The following OR1D5 variants were observed in gnomAD, a reference collection of about 807,000 sequenced individuals.
OR1D5 encodes olfactory receptor family 1 subfamily D member 5.
For synonymous variants in OR1D5, 56 were observed against 159.1 expected (o/e 0.35, Z 4.88); for missense variants, 159 against 381.5 (o/e 0.42, Z 4.86).
At position 3,062,903 on chromosome 17, in the gene OR1D5, G is replaced by A. The variant is rs560517253; in HGVS notation, c.705C>T (p.Tyr235=). 1.1e-5 allele frequency: 18 copies of A among 1,614,140 alleles called. No homozygotes were observed. The East Asian group carries it at 3.8e-4, about 34-fold the overall frequency. Residue 235 remains tyrosine, a synonymous_variant, in exon 1 of 1, where the codon TAC becomes TAT. Coordinates refer to ENST00000575751, the MANE Select transcript of OR1D5 (RefSeq NM_014566.1). ...ILQMPSASKK[Y]KTFSTCASHL... is the part of the protein sequence containing the mutation. ...GGGAGGCACAGGTAGAGAAGGTTTT[G>A]TATTTCTTAGAGGCCGAGGGCATTT...
Position 3,062,746 on chromosome 17 carries a change from T to C in OR1D5, c.862A>G (p.Ile288Val). 1 of 1,606,756 alleles carries C rather than the reference T, an allele frequency of 6.2e-7. No individual in the cohort carries two copies. Among genetic ancestry groups the C allele is most frequent in the Non-Finnish European group, 8.5e-7 (1 of 1,173,600 alleles). Residue 288 changes from isoleucine to valine, a missense_variant, in exon 1 of 1, where the codon ATC becomes GTC. Coordinates refer to ENST00000575751, the MANE Select transcript of OR1D5 (RefSeq NM_014566.1). ...AVLTPMMNPF[I>V]YRLRNKDMHG... ...ATGTCTTTGTTCCTCAGCCTGTAGATGAAAGGGTTCATCATAGGTGTCAGC... is the reference window on the plus strand; with the variant it reads ...ATGTCTTTGTTCCTCAGCCTGTAGACGAAAGGGTTCATCATAGGTGTCAGC...
chr17:3,063,009 A>G lies in OR1D5; in HGVS notation c.599T>C (p.Ile200Thr), dbSNP rs767490202. ...GAGGAAGATGAAGCAGCCAGTGGCA[A>G]TCAACGCTGTGTGAATGATGTGGGT... Reference protein sequence around the residue: ...SNTHIIHTALIATGCFIFLTP... With the variant: ...SNTHIIHTALTATGCFIFLTP... The change falls in exon 1 of 1, where the codon ATT becomes ACT. Residue 200 changes from isoleucine to threonine, a missense_variant. Coordinates refer to ENST00000575751, the MANE Select transcript of OR1D5 (RefSeq NM_014566.1). 103 of 1,613,884 alleles carry G rather than the reference A, an allele frequency of 6.4e-5. No individual in the cohort carries two copies. Among genetic ancestry groups the G allele is most frequent in the Non-Finnish European group, 8.1e-5 (96 of 1,179,874 alleles).
rs146458727 is a variant in OR1D5, at chr17:3,063,109, T to C, written c.499A>G (p.Thr167Ala). The change falls in exon 1 of 1, where the codon ACC (threonine) becomes GCC (alanine). Residue 167 changes from threonine (T) to alanine (A), a missense_variant. Thr to Ala is a moderately conservative substitution (Grantham distance 58). Coordinates refer to ENST00000575751, the MANE Select transcript of OR1D5 (RefSeq NM_014566.1). ...TGGATCTCTCGAGGCCCACAGAAGG[T>C]CACCCTGGTCAGGAGGAAGGTGAGG... ...LLLTFLLTRV[T>A]FCGPREIHYL... 131 of 1,613,262 alleles carry C rather than the reference T, an allele frequency of 8.1e-5. No individual in the cohort carries two copies. In the African/African-American group the frequency reaches 1.6e-3, roughly 20 times the overall value.
Position 3,062,790 on chromosome 17 carries a change from G to A in OR1D5, c.818C>T (p.Ala273Val), listed in dbSNP as rs766744815. 2.5e-6 allele frequency: 4 copies of A among 1,613,680 alleles called. No individual in the cohort carries two copies. The highest frequency in any genetic ancestry group is 3.4e-6 in the Non-Finnish European group (4 of 1,179,738). ...LHTYSMKDSV[A>V]TVMYAVLTPM... The stretch of plus-strand genomic sequence containing the variant: ...TGTCAGCACAGCATACATCACTGTG[G>A]CTACTGAGTCCTTCATGGAGTAGGT... The change falls in exon 1 of 1, where the codon GCC (alanine) becomes GTC (valine). Residue 273 changes from alanine to valine, a missense_variant. Transcript: ENST00000575751.
At position 3,062,986 on chromosome 17, in the gene OR1D5, G is replaced by C. The variant is rs538511335; in HGVS notation, c.622C>G (p.Leu208Val). ...ALIATGCFIFLTPLGFMTTSY... is the reference protein window; with the variant it reads ...ALIATGCFIFVTPLGFMTTSY... ...GTGGTCATGAACCCTAAGGGGGTGA[G>C]GAAGATGAAGCAGCCAGTGGCAATC... The change falls in exon 1 of 1, where the codon CTC (leucine) becomes GTC (valine). Residue 208 changes from leucine to valine, a missense_variant. Coordinates refer to ENST00000575751, the MANE Select transcript of OR1D5 (RefSeq NM_014566.1). 6 of 1,613,958 alleles carry C rather than the reference G, an allele frequency of 3.7e-6. No homozygotes were observed. The South Asian group carries it at 5.5e-5, about 15-fold the overall frequency.
In OR1D5 at chr17:3,063,057, A is replaced by G. The variant is rs770608969; in HGVS notation, c.551T>C (p.Leu184Pro). The change falls in exon 1 of 1, where the codon CTG becomes CCG. Residue 184 changes from leucine (L) to proline (P), a missense_variant. Coordinates refer to ENST00000575751, the MANE Select transcript of OR1D5 (RefSeq NM_014566.1). ...IHYLFCDMYI[L>P]LWLACSNTHI... ...GGTGTTGGAACATGCCAGCCACAGC[A>G]GGATGTACATGTCACAGAAGAGGTA... 3.1e-6 allele frequency: 5 copies of G among 1,613,768 alleles called. No individual in the cohort carries two copies. In the South Asian group the frequency reaches 4.4e-5, roughly 14 times the overall value.
rs1462771666 is a variant in OR1D5 at position 3,063,217 on chromosome 17, G to T, written c.391C>A (p.His131Asn). 1 of 1,613,208 alleles carries T rather than the reference G, an allele frequency of 6.2e-7. No individual in the cohort carries two copies. The highest frequency in any genetic ancestry group is 2.2e-5 in the East Asian group (1 of 44,850). ...DRYVATCCPL[H>N]YVTAMSPGLC... ...CCAGGGCTCATGGCTGTGACATAGT[G>T]GAGGGGGCAGCAGGTGGCCACATAG... The change falls in exon 1 of 1, where the codon CAC becomes AAC. Residue 131 changes from histidine (H) to asparagine (N), a missense_variant. Coordinates refer to ENST00000575751, the MANE Select transcript of OR1D5 (RefSeq NM_014566.1).
rs368929141 is a variant in OR1D5 at position 3,062,877 on chromosome 17, T to C, written c.731A>G (p.His244Arg). ...KYKTFSTCAS[H>R]LGVVSLFYGT... ...ATAAAAGAGGGAGACCACACCCAAA[T>C]GGGAGGCACAGGTAGAGAAGGTTTT... is the stretch of plus-strand genomic sequence containing the variant. The change falls in exon 1 of 1, where the codon CAT (histidine) becomes CGT (arginine). Residue 244 changes from histidine to arginine, a missense_variant. By Grantham distance (29) the His-to-Arg change is conservative (BLOSUM62 0). Transcript: ENST00000575751. 8.7e-6 allele frequency: 14 copies of C among 1,613,976 alleles called. No homozygotes were observed. In the African/African-American group the frequency reaches 1.9e-4, roughly 22 times the overall value.
chr17:3,063,017 T>G lies in OR1D5; in HGVS notation c.591A>C (p.Thr197=), dbSNP rs779249066. The part of the protein sequence containing the change: ...LACSNTHIIH[T]ALIATGCFIF... ...TGAAGCAGCCAGTGGCAATCAACGC[T>G]GTGTGAATGATGTGGGTGTTGGAAC... The change falls in exon 1 of 1, where the codon ACA becomes ACC. Residue 197 remains threonine, a synonymous_variant. Coordinates refer to ENST00000575751, the MANE Select transcript of OR1D5 (RefSeq NM_014566.1). 1 of 1,613,952 alleles carries G rather than the reference T, an allele frequency of 6.2e-7. No individual in the cohort carries two copies. The highest frequency in any genetic ancestry group is 2.2e-5 in the East Asian group (1 of 44,856).
In OR1D5 at chr17:3,062,837, C is replaced by T. The variant is rs746856129; in HGVS notation, c.771G>A (p.Met257Ile). ...AGGTATGGAGGGGCTGCAGGTACAC[C>T]ATAGCAAGCGTCCCATAAAAGAGGG... is the stretch of plus-strand genomic sequence containing the variant. The part of the protein sequence containing the change: ...VVSLFYGTLA[M>I]VYLQPLHTYS... Residue 257 changes from methionine to isoleucine, a missense_variant, in exon 1 of 1, where the codon ATG becomes ATA. By Grantham distance (10) the Met-to-Ile change is conservative. Transcript: ENST00000575751. 1.3e-5 allele frequency: 21 copies of T among 1,614,172 alleles called. 1 individual carries two copies. The East Asian group carries it at 4.2e-4, about 33-fold the overall frequency.
At position 3,062,945 on chromosome 17, in the gene OR1D5, A is replaced by C. The variant is rs1170084781; in HGVS notation, c.663T>G (p.Ile221Met). The C allele has an allele frequency of 2.3e-5, 37 of 1,614,026 alleles. No individual in the cohort carries two copies. Among genetic ancestry groups the C allele is most frequent in the Non-Finnish European group, 3.1e-5 (37 of 1,179,872 alleles). Reference protein sequence around the residue: ...LGFMTTSYVRIVRTILQMPSA... With the variant: ...LGFMTTSYVRMVRTILQMPSA... ...AGGGCATTTGAAGGATGGTTCTGAC[A>C]ATACGTACATAGGATGTGGTCATGA... The change falls in exon 1 of 1, where the codon ATT (isoleucine) becomes ATG (methionine). Residue 221 changes from isoleucine to methionine, a missense_variant. Physicochemically the swap from Ile to Met is conservative, Grantham distance 10 (BLOSUM62 1). Coordinates refer to ENST00000575751, the MANE Select transcript of OR1D5 (RefSeq NM_014566.1).
Position 3,062,842 on chromosome 17 carries a change from C to A in OR1D5, c.766G>T (p.Ala256Ser). The change falls in exon 1 of 1, where the codon GCT becomes TCT. Residue 256 changes from alanine (A) to serine (S), a missense_variant. Coordinates refer to ENST00000575751, the MANE Select transcript of OR1D5 (RefSeq NM_014566.1). ...GVVSLFYGTL[A>S]MVYLQPLHTY... is the part of the protein sequence containing the mutation. ...TGGAGGGGCTGCAGGTACACCATAGCAAGCGTCCCATAAAAGAGGGAGACC... is the reference window on the plus strand; with the variant it reads ...TGGAGGGGCTGCAGGTACACCATAGAAAGCGTCCCATAAAAGAGGGAGACC... 2 of 1,614,202 alleles carry A rather than the reference C, an allele frequency of 1.2e-6. No individual in the cohort carries two copies. Among genetic ancestry groups the A allele is most frequent in the South Asian group, 1.1e-5 (1 of 91,084 alleles).
rs202213420 is a variant in OR1D5, at chr17:3,062,949, C to T, written c.659G>A (p.Arg220His). ...CATTTGAAGGATGGTTCTGACAATA[C>T]GTACATAGGATGTGGTCATGAACCC... Reference protein sequence around the residue: ...PLGFMTTSYVRIVRTILQMPS... With the variant: ...PLGFMTTSYVHIVRTILQMPS... Residue 220 changes from arginine to histidine, a missense_variant, in exon 1 of 1, where the codon CGT (arginine) becomes CAT (histidine). By Grantham distance (29) the Arg-to-His change is conservative (BLOSUM62 0). Transcript: ENST00000575751. 121 of 1,613,942 alleles carry T rather than the reference C, an allele frequency of 7.5e-5. No individual in the cohort carries two copies. In the African/African-American group the frequency reaches 1.3e-3, roughly 17 times the overall value.
At position 3,062,851 on chromosome 17, in the gene OR1D5, C is replaced by A. The variant is rs1316967513; in HGVS notation, c.757G>T (p.Gly253Trp). 7.4e-6 allele frequency: 12 copies of A among 1,614,060 alleles called. No individual in the cohort carries two copies. The highest frequency in any genetic ancestry group is 1.0e-5 in the Non-Finnish European group (12 of 1,180,038). The change falls in exon 1 of 1, where the codon GGG (glycine) becomes TGG (tryptophan). Residue 253 changes from glycine to tryptophan, a missense_variant. Physicochemically the swap from Gly to Trp is radical, Grantham distance 184 (BLOSUM62 -2). Transcript: ENST00000575751. ...TGCAGGTACACCATAGCAAGCGTCC[C>A]ATAAAAGAGGGAGACCACACCCAAA... ...SHLGVVSLFY[G>W]TLAMVYLQPL...
At position 3,062,952 on chromosome 17, in the gene OR1D5, A is replaced by T. The variant is rs1275196728; in HGVS notation, c.656T>A (p.Val219Glu). 1.2e-6 allele frequency: 2 copies of T among 1,613,888 alleles called. No homozygotes were observed. Among genetic ancestry groups the T allele is most frequent in the African/African-American group, 2.7e-5 (2 of 74,950 alleles). Residue 219 changes from valine to glutamate, a missense_variant, in exon 1 of 1, where the codon GTA (valine) becomes GAA (glutamate). Coordinates refer to ENST00000575751, the MANE Select transcript of OR1D5 (RefSeq NM_014566.1). The stretch of plus-strand genomic sequence containing the variant: ...TTGAAGGATGGTTCTGACAATACGT[A>T]CATAGGATGTGGTCATGAACCCTAA... ...TPLGFMTTSY[V>E]RIVRTILQMP...
At position 3,062,912 on chromosome 17, in the gene OR1D5, A is replaced by C. The variant is rs1372798240; in HGVS notation, c.696T>G (p.Ser232=). ...VRTILQMPSA[S]KKYKTFSTCA... is the part of the protein sequence containing the mutation. ...AGGTAGAGAAGGTTTTGTATTTCTT[A>C]GAGGCCGAGGGCATTTGAAGGATGG... Residue 232 remains serine, a synonymous_variant, in exon 1 of 1, where the codon TCT becomes TCG. Coordinates refer to ENST00000575751, the MANE Select transcript of OR1D5 (RefSeq NM_014566.1). 6.2e-7 allele frequency: 1 copy of C among 1,614,030 alleles called. No individual in the cohort carries two copies. The highest frequency in any genetic ancestry group is 2.2e-5 in the East Asian group (1 of 44,894).
chr17:3,062,887 A>G lies in OR1D5; in HGVS notation c.721T>C (p.Cys241Arg), dbSNP rs1337185069. The change falls in exon 1 of 1, where the codon TGT becomes CGT. Residue 241 changes from cysteine to arginine, a missense_variant. By Grantham distance (180) the Cys-to-Arg change is radical (BLOSUM62 -3). Coordinates refer to ENST00000575751, the MANE Select transcript of OR1D5 (RefSeq NM_014566.1). ...GAGACCACACCCAAATGGGAGGCAC[A>G]GGTAGAGAAGGTTTTGTATTTCTTA... Reference protein sequence around the residue: ...ASKKYKTFSTCASHLGVVSLF... With the variant: ...ASKKYKTFSTRASHLGVVSLF... 6.2e-7 allele frequency: 1 copy of G among 1,614,168 alleles called. No homozygotes were observed. The highest frequency in any genetic ancestry group is 1.3e-5 in the African/African-American group (1 of 75,072).
At position 3,063,042 on chromosome 17, in the gene OR1D5, C is replaced by T. The variant is rs1236476178; in HGVS notation, c.566G>A (p.Cys189Tyr). 6.2e-7 allele frequency: 1 copy of T among 1,613,864 alleles called. No individual in the cohort carries two copies. Among genetic ancestry groups the T allele is most frequent in the Non-Finnish European group, 8.5e-7 (1 of 1,179,846 alleles). The change falls in exon 1 of 1, where the codon TGT (cysteine) becomes TAT (tyrosine). Residue 189 changes from cysteine (C) to tyrosine (Y), a missense_variant. By Grantham distance (194) the Cys-to-Tyr change is radical. Coordinates refer to ENST00000575751, the MANE Select transcript of OR1D5 (RefSeq NM_014566.1). ...TGTGTGAATGATGTGGGTGTTGGAA[C>T]ATGCCAGCCACAGCAGGATGTACAT... is the stretch of plus-strand genomic sequence containing the variant. ...CDMYILLWLA[C>Y]SNTHIIHTAL...
In OR1D5 at chr17:3,063,000, C is replaced by T. The variant is rs200359497; in HGVS notation, c.608G>A (p.Gly203Asp). The change falls in exon 1 of 1, where the codon GGC (glycine) becomes GAC (aspartate). Residue 203 changes from glycine to aspartate, a missense_variant. By Grantham distance (94) the Gly-to-Asp change is moderately conservative. Coordinates refer to ENST00000575751, the MANE Select transcript of OR1D5 (RefSeq NM_014566.1). The stretch of plus-strand genomic sequence containing the variant: ...TAAGGGGGTGAGGAAGATGAAGCAG[C>T]CAGTGGCAATCAACGCTGTGTGAAT... ...HIIHTALIAT[G>D]CFIFLTPLGF... 9.7e-5 allele frequency: 157 copies of T among 1,613,926 alleles called. 3 individuals are homozygous for T. The East Asian group carries it at 1.8e-3, about 18-fold the overall frequency.
Sources: allele counts gnomAD v4.1 joint callset, GRCh38; gene constraint gnomAD v4.1.1; transcripts MANE v1.5; gene names NCBI Gene and HGNC (gene_info 2026-07-23, HGNC 2026-07-21).